ODAD2: variants seen among roughly 807,000 people sequenced by gnomAD.
ODAD2 encodes outer dynein arm-docking complex subunit 2.
ODAD2 carries 89 observed loss-of-function variants against 106.8 expected under a neutral mutation model. The observed-to-expected ratio is 0.83, with a 90% CI of 0.70 to 0.99. The LOEUF is 0.99. ODAD2 is among the 50% of genes least tolerant of loss of function. The pLI, the probability that ODAD2 is intolerant of heterozygous loss-of-function variation, is 0.00. For synonymous variants in ODAD2, 404 were observed against 436.2 expected (o/e 0.93, Z 0.92); for missense variants, 1,168 against 1,238.5 (o/e 0.94, Z 0.85).
chr10:27,916,106 G>A (rs986798019), intron 16 of ODAD2, among the ~76,000 whole-genome samples: 36 of 152,120 alleles, frequency 2.4e-4, no homozygotes, highest in Admixed American at 7.9e-4. Flanking sequence ...AGCAGAATAA[G>A]GGGAATATCC....
chr10:27,859,165 A>C (rs1392181001), intron 19 of ODAD2, among the ~76,000 whole-genome samples: 1 of 152,046 alleles, frequency 6.6e-6, no homozygotes, highest in African/African-American at 2.4e-5. Flanking sequence ...ACGCAGTCAT[A>C]TTGAGACAAT....
intron 12 of ODAD2, 56 bp downstream of exon 12, chr10:27,944,166 G>A (rs1846681659): frequency 6.8e-7 from 1 of 1,460,090 alleles, no homozygotes; most frequent in Non-Finnish European, 9.4e-7. Flanking sequence ...ACAGCAAGGA[G>A]CTGTGTGCAG....
chr10:27,925,520 A>G (rs772504393), intron 16 of ODAD2, among the ~76,000 whole-genome samples: 1 of 152,060 alleles, frequency 6.6e-6, no homozygotes, highest in Non-Finnish European at 1.5e-5. Context: ...ACCATGCTCA[A>G]CTAATTTTTA....
At chr10:27,815,125 G>A (rs922661148) in intron 19 of ODAD2, among the ~76,000 whole-genome samples, 7 of 152,140 alleles carry the variant, frequency 4.6e-5, no homozygotes, top group Admixed American at 1.3e-4. Flanking sequence ...CCATGCCAGC[G>A]TCTTAGCAGA....
chr10:27,907,082 T>C (rs7095692), intron 17 of ODAD2, among the ~76,000 whole-genome samples: 100,179 of 152,040 alleles, frequency 0.66, 33,389 homozygotes, highest in Middle Eastern at 0.73. Flanking sequence ...TCTAAACCTA[T>C]AGAAAAAATG....
intron 10 of ODAD2, among the ~76,000 whole-genome samples, chr10:27,952,381 CT>C (rs1278333097): frequency 9.9e-5 from 15 of 151,648 alleles, no homozygotes; most frequent in Non-Finnish European, 1.6e-4. Context: ...ATATTGACAA[CT>C]TTTTTTATTT....
At chr10:27,977,286 C>T (rs1849249944) in intron 7 of ODAD2, among the ~76,000 whole-genome samples, 1 of 151,832 alleles carries the variant, frequency 6.6e-6, no homozygotes, top group African/African-American at 2.4e-5. Flanking sequence ...AAGACTCGGC[C>T]GGGCACGGTG....
chr10:27,890,883 C>T (rs1335768346), intron 17 of ODAD2, among the ~76,000 whole-genome samples: 1 of 151,972 alleles, frequency 6.6e-6, no homozygotes, highest in Non-Finnish European at 1.5e-5. Context: ...AAAATGACAA[C>T]TGACCCCAAA....
At chr10:27,853,158 G>A (rs543905109) in intron 19 of ODAD2, 75 of 157,522 alleles carry the variant, frequency 4.8e-4, no homozygotes, top group African/African-American at 1.8e-3. Context: ...CACGAGGTCA[G>A]GAGATTGAGA....
intron 14 of ODAD2, among the ~76,000 whole-genome samples, chr10:27,937,413 C>T (rs1445654174): frequency 6.7e-6 from 1 of 150,122 alleles, no homozygotes; most frequent in Non-Finnish European, 1.5e-5. Flanking sequence ...TCTCGACTCA[C>T]TGCAACCTCC....
chr10:27,948,808 T>C (rs1847126680), intron 10 of ODAD2, among the ~76,000 whole-genome samples: 1 of 90,598 alleles, frequency 1.1e-5, no homozygotes, highest in African/African-American at 3.5e-5. Flanking sequence ...TTTTTTGCAA[T>C]TGACATTTGG....
intron 17 of ODAD2, among the ~76,000 whole-genome samples, chr10:27,884,657 C>A (rs768463119): frequency 6.6e-6 from 1 of 152,144 alleles, no homozygotes; most frequent in East Asian, 1.9e-4. Context: ...AGGGTAGATA[C>A]TGTGGCCTAG....
chr10:27,971,578 A>G (rs1424637859), intron 7 of ODAD2, among the ~76,000 whole-genome samples: 2 of 152,148 alleles, frequency 1.3e-5, no homozygotes, highest in Non-Finnish European at 2.9e-5. Flanking sequence ...CCTCACCACC[A>G]CCAAAAAATT....
At chr10:27,964,550 C>T (rs76925533) in intron 9 of ODAD2, among the ~76,000 whole-genome samples, 8,183 of 152,206 alleles carry the variant, frequency 0.054, 252 homozygotes, top group South Asian at 0.1. Context: ...TGCTGTCTTT[C>T]GGTATCTTTG....
chr10:27,940,428 G>C (rs927026162), intron 13 of ODAD2, 135 bp downstream of exon 13: 18 of 999,886 alleles, frequency 1.8e-5, no homozygotes, highest in Non-Finnish European at 2.3e-5. Flanking sequence ...CTATCAGTTG[G>C]ATCTTCTCTT....
At chr10:27,893,320 G>T (rs1466753572) in intron 17 of ODAD2, among the ~76,000 whole-genome samples, 1 of 152,076 alleles carries the variant, frequency 6.6e-6, no homozygotes, top group Non-Finnish European at 1.5e-5. Context: ...TAAAAAAACG[G>T]ATAACATCTG....
chr10:27,906,619 C>A (rs1843610248), intron 17 of ODAD2, among the ~76,000 whole-genome samples: 1 of 152,110 alleles, frequency 6.6e-6, no homozygotes, highest in Non-Finnish European at 1.5e-5. Flanking sequence ...AACCAAAACA[C>A]CCATCAATGA....
At position 27,971,142 on chromosome 10, in the gene ODAD2, T is replaced by G. The variant is rs149958990; in HGVS notation, c.1108A>C (p.Ser370Arg). The G allele has an allele frequency of 1.9e-6, 3 of 1,613,848 alleles. No individual in the cohort carries two copies. In the African/African-American group the frequency reaches 4.0e-5, roughly 22 times the overall value. ...RNQMTKRWEP[S>R]LNWKTTVNYK... ...TTAACAGTGGTCTTCCAGTTTAAGC[T>G]TGGTTCCCATCTCTTGGTCATTTGA... The change falls in exon 8 of 20, where the codon AGC becomes CGC. Residue 370 changes from serine (S) to arginine (R), a missense_variant. Around this residue, in one of 3 missense-constraint regions of ODAD2, gnomAD observed 430 missense variants for 452.2 expected, o/e 0.95. Coordinates refer to ENST00000305242, the MANE Select transcript of ODAD2 (RefSeq NM_018076.5).
At chr10:27,922,088 G>A (rs1844831316) in intron 16 of ODAD2, among the ~76,000 whole-genome samples, 1 of 146,158 alleles carries the variant, frequency 6.8e-6, no homozygotes, top group Admixed American at 7.0e-5. Context: ...GATATCTTGA[G>A]CCCAGAAGGT....
Sources: gnomAD v4.1 joint callset for allele counts (sites outside exome capture counted in the v4.1 genomes callset) on GRCh38, gnomAD v4.1.1 for gene constraint, gnomAD v4.1.1 regional missense constraint, MANE v1.5 for transcripts, NCBI Gene and HGNC (gene_info 2026-07-23, HGNC 2026-07-21) for gene names.